SETD7: variants seen among roughly 807,000 people sequenced by gnomAD.
SETD7 encodes the protein SET domain containing 7, histone lysine methyltransferase, also known as histone-lysine N-methyltransferase SETD7.
Under a neutral mutation model 41.8 loss-of-function variants are expected in SETD7, and 16 were observed. That is an observed-to-expected ratio of 0.38 (90% CI 0.26 to 0.58). The LOEUF is 0.58. Ranked by LOEUF, SETD7 falls within the 20% of genes least tolerant of loss-of-function variation. The pLI, the probability that SETD7 is intolerant of heterozygous loss-of-function variation, is 0.64. For missense variants in SETD7, 346 were observed against 459.7 expected (o/e 0.75, Z 2.26); for synonymous variants, 163 against 169.7 (o/e 0.96, Z 0.31).
At chr4:139,538,341 C>CT (rs1254900750) in intron 2 of SETD7, among the ~76,000 whole-genome samples, 1 of 151,990 alleles carries the variant, frequency 6.6e-6, no homozygotes, top group East Asian at 1.9e-4. Flanking sequence ...TTTTTCATTT[C>CT]TTTTTTTTAA....
chr4:139,523,844 C>A (rs1176814528), intron 4 of SETD7, among the ~76,000 whole-genome samples: 1 of 152,214 alleles, frequency 6.6e-6, no homozygotes, highest in Non-Finnish European at 1.5e-5. Context: ...TGAACACTGG[C>A]AGTTGTCTCC....
At chr4:139,534,947 G>T (rs1727597958) in intron 2 of SETD7, among the ~76,000 whole-genome samples, 1 of 152,200 alleles carries the variant, frequency 6.6e-6, no homozygotes, top group Admixed American at 6.5e-5. Flanking sequence ...TATACTATTT[G>T]TAGTATCCCA....
In SETD7 at chr4:139,506,474, T is replaced by C. The variant is rs1381404877; in HGVS notation, c.*5189A>G. On this transcript the variant is annotated 3_prime_UTR_variant, in exon 8 of 8. Transcript: ENST00000274031. ...ACATAGAACACCCAGGAGGAAACTT[T>C]TGAAGAAGGGAGCTCAGAATCATGG... 1 of 152,582 alleles carries C rather than the reference T, an allele frequency of 6.6e-6. No individual in the cohort carries two copies. The highest frequency in any genetic ancestry group is 1.5e-5 in the Non-Finnish European group (1 of 68,042). The allele number at this position is 152,582 out of a possible 1,614,324, so 9.5% of individuals were successfully genotyped here.
chr4:139,513,672 T>G (rs1726944584), intron 7 of SETD7, among the ~76,000 whole-genome samples: 1 of 152,194 alleles, frequency 6.6e-6, no homozygotes, highest in Admixed American at 6.5e-5. Context: ...ATTCAACACA[T>G]TTTTACTGCA....
intron 7 of SETD7, among the ~76,000 whole-genome samples, chr4:139,514,319 A>C (rs1726961065): frequency 6.6e-6 from 1 of 152,112 alleles, no homozygotes; most frequent in Admixed American, 6.5e-5. Context: ...TATTTCACTA[A>C]AAAAAATGTT....
At chr4:139,530,625 C>A (rs1388815953) in intron 3 of SETD7, among the ~76,000 whole-genome samples, 1 of 152,078 alleles carries the variant, frequency 6.6e-6, no homozygotes, top group African/African-American at 2.4e-5. Flanking sequence ...TTCTTATAAT[C>A]CATGACTAAC....
intron 2 of SETD7, among the ~76,000 whole-genome samples, chr4:139,543,857 A>G (rs1727848701): frequency 1.3e-5 from 2 of 151,894 alleles, no homozygotes; most frequent in African/African-American, 4.8e-5. Context: ...CCAGCTACTC[A>G]GGAGGCTGAG....
downstream of SETD7, among the ~76,000 whole-genome samples, chr4:139,502,343 T>C (rs1726597940): frequency 6.6e-6 from 1 of 151,690 alleles, no homozygotes; most frequent in Non-Finnish European, 1.5e-5. Context: ...TAAAGGAGGG[T>C]AAAGTGGCCT....
At chr4:139,534,596 C>T (rs887922408) in intron 2 of SETD7, among the ~76,000 whole-genome samples, 12 of 151,926 alleles carry the variant, frequency 7.9e-5, no homozygotes, top group Admixed American at 4.6e-4. Context: ...TGTCATGTTA[C>T]GTATGCTGGT....
At chr4:139,518,070 G>A (rs1458360600) in intron 6 of SETD7, 28 bp from the exon 7 acceptor site, 1 of 1,600,880 alleles carries the variant, frequency 6.2e-7, no homozygotes, top group Admixed American at 1.7e-5. Context: ...GCGAGCCTTA[G>A]AGAGGACCTT....
At chr4:139,539,456 G>A (rs1727727054) in intron 2 of SETD7, among the ~76,000 whole-genome samples, 1 of 152,196 alleles carries the variant, frequency 6.6e-6, no homozygotes, top group East Asian at 1.9e-4. Context: ...AGGTGTTGGA[G>A]CAAGTTTGAT....
At position 139,546,973 on chromosome 4, in the gene SETD7, G is replaced by C; in HGVS notation, c.117C>G (p.Asn39Lys). 1 of 1,614,186 alleles carries C rather than the reference G, an allele frequency of 6.2e-7. No individual in the cohort carries two copies. The highest frequency in any genetic ancestry group is 8.5e-7 in the Non-Finnish European group (1 of 1,180,042). ...GTCCGTTCTTTTCTCCGTGAACAAA[G>C]TTCCCCTCAAATCTGTCTGTGGAGG... ...TYSSTDRFEG[N>K]FVHGEKNGRG... Residue 39 changes from asparagine to lysine, a missense_variant, in exon 2 of 8, where the codon AAC becomes AAG. Around this residue, in one of 3 missense-constraint regions of SETD7, gnomAD observed 266 missense variants for 377.0 expected, o/e 0.71. Transcript: ENST00000274031.
intron 7 of SETD7, among the ~76,000 whole-genome samples, chr4:139,515,666 G>C (rs894291365): frequency 6.6e-6 from 1 of 152,146 alleles, no homozygotes; most frequent in Non-Finnish European, 1.5e-5. Context: ...ATTTCTACCC[G>C]TCCTTTAAAC....
intron 1 of SETD7, among the ~76,000 whole-genome samples, chr4:139,549,785 A>AT (rs946739223): frequency 7.3e-5 from 11 of 149,872 alleles, no homozygotes; most frequent in Admixed American, 4.0e-4. Context: ...AAAAAAAAAA[A>AT]TTTTTTTTTG....
In SETD7 at chr4:139,531,079, C is replaced by G. The variant is rs895749585; in HGVS notation, c.373-1859G>C. Among the ~76,000 whole-genome samples, 4 of 152,102 alleles carry G rather than the reference C, an allele frequency of 2.6e-5. No individual in the cohort carries two copies. In the East Asian group the frequency reaches 7.7e-4, roughly 29 times the overall value. ...CTGGTGAGCAGCCAGGGTCTGACAC[C>G]TACTGACACCCATTTCTCTACTGGG... is the stretch of plus-strand genomic sequence containing the variant. On this transcript the variant is annotated intron_variant, in intron 3 of 7. Transcript: ENST00000274031.
intron 7 of SETD7, among the ~76,000 whole-genome samples, chr4:139,500,445 C>T (rs1726546973): frequency 6.6e-6 from 1 of 152,208 alleles, no homozygotes; most frequent in Admixed American, 6.5e-5. Flanking sequence ...ACAGCAATTA[C>T]AATTTCAAAA....
chr4:139,503,751 A>C (rs1726639616), downstream of SETD7, among the ~76,000 whole-genome samples: 1 of 152,210 alleles, frequency 6.6e-6, no homozygotes, highest in Non-Finnish European at 1.5e-5. Context: ...GATGAGGCAG[A>C]CACTGTGAGT....
intron 2 of SETD7, among the ~76,000 whole-genome samples, chr4:139,545,496 T>C (rs1727914882): frequency 6.6e-6 from 1 of 152,180 alleles, no homozygotes; most frequent in Admixed American, 6.5e-5. Context: ...AAGTAAAATA[T>C]CTGACAATTT....
At chr4:139,553,890 G>C (rs957758681) in intron 1 of SETD7, among the ~76,000 whole-genome samples, 4 of 152,206 alleles carry the variant, frequency 2.6e-5, no homozygotes, top group African/African-American at 9.7e-5. Flanking sequence ...CTATGTAAGT[G>C]TTAGATGTTA....
Sources: allele counts gnomAD v4.1 joint callset (sites outside exome capture counted in the v4.1 genomes callset), GRCh38; gene constraint gnomAD v4.1.1; regional missense constraint gnomAD v4.1.1; transcripts MANE v1.5; gene names NCBI Gene and HGNC (gene_info 2026-07-23, HGNC 2026-07-21).